The following UGGT2 variants were observed in gnomAD, a reference collection of about 807,000 sequenced individuals.
UGGT2 encodes the protein UDP-glucose:glycoprotein glucosyltransferase 2.
In UGGT2, 180 loss-of-function variants were observed where a neutral mutation model predicts 192.1. That is an observed-to-expected ratio of 0.94 (90% CI 0.83 to 1.06). UGGT2 has a LOEUF of 1.06. UGGT2 is among the 50% of genes least tolerant of loss of function. The probability of loss-of-function intolerance (pLI) is 0.00; values close to 1 mark genes in which losing one functional copy is unlikely to be tolerated. For missense variants in UGGT2, 1,849 were observed against 1,795.7 expected (o/e 1.03, Z -0.54); for synonymous variants, 580 against 591.0 (o/e 0.98, Z 0.27).
chr13:95,805,270 T>TAA (rs199678189), intron 38 of UGGT2, among the ~76,000 whole-genome samples: 10,628 of 141,910 alleles, frequency 0.075, 441 homozygotes, highest in East Asian at 0.14. Flanking sequence ...ATGACTGCTA[T>TAA]AAAAAAAAAA....
intron 36 of UGGT2, among the ~76,000 whole-genome samples, chr13:95,838,582 G>A (rs1887543288): frequency 6.6e-6 from 1 of 152,042 alleles, no homozygotes; most frequent in South Asian, 2.1e-4. Context: ...TGTGGTATTG[G>A]AAAAATAAGA....
chr13:95,857,543 G>A (rs1248203238), intron 33 of UGGT2, among the ~76,000 whole-genome samples: 2 of 152,128 alleles, frequency 1.3e-5, no homozygotes, highest in African/African-American at 2.4e-5. Context: ...AATGAAGAGA[G>A]GAGGTTTGAC....
At chr13:95,971,460 A>C (rs1423958723) in intron 11 of UGGT2, among the ~76,000 whole-genome samples, 2 of 152,298 alleles carry the variant, frequency 1.3e-5, no homozygotes, top group African/African-American at 4.8e-5. Flanking sequence ...ACATCCTGCA[A>C]ATCACTAATG....
chr13:95,928,368 G>A (rs1276569125), intron 17 of UGGT2, among the ~76,000 whole-genome samples: 1 of 84,742 alleles, frequency 1.2e-5, no homozygotes, highest in East Asian at 3.7e-4. Flanking sequence ...CAGGACGGCT[G>A]CCGGGCGGAG....
intron 38 of UGGT2, among the ~76,000 whole-genome samples, chr13:95,812,598 C>T (rs1400338502): frequency 2.6e-5 from 4 of 151,932 alleles, no homozygotes; most frequent in African/African-American, 7.3e-5. Flanking sequence ...ATCTATATCT[C>T]ATATTGAATT....
At chr13:95,980,081 T>C (rs915545990) in intron 10 of UGGT2, among the ~76,000 whole-genome samples, 2 of 152,152 alleles carry the variant, frequency 1.3e-5, no homozygotes, top group Non-Finnish European at 2.9e-5. Flanking sequence ...TGGAAAACAA[T>C]GTGGAGATTC....
chr13:95,930,061 G>T (rs1017301441), intron 17 of UGGT2, among the ~76,000 whole-genome samples: 2 of 152,156 alleles, frequency 1.3e-5, no homozygotes, highest in East Asian at 3.8e-4. Flanking sequence ...TTATATGCTT[G>T]TTGGCCGCCT....
chr13:95,857,056 A>T (rs1034603150), intron 33 of UGGT2, among the ~76,000 whole-genome samples: 3 of 152,072 alleles, frequency 2.0e-5, no homozygotes, highest in African/African-American at 7.2e-5. Flanking sequence ...GCGTTTTACC[A>T]CTTGATTCTT....
intron 17 of UGGT2, among the ~76,000 whole-genome samples, chr13:95,931,767 C>A (rs867423834): frequency 6.6e-6 from 1 of 152,166 alleles, no homozygotes; most frequent in South Asian, 2.1e-4. Flanking sequence ...ACCCGGAACT[C>A]GCGCTGGCCC....
intron 5 of UGGT2, among the ~76,000 whole-genome samples, chr13:96,009,885 TA>T (rs1158615565): frequency 2.6e-5 from 4 of 152,062 alleles, no homozygotes; most frequent in African/African-American, 4.8e-5. Flanking sequence ...AAAAAGCATA[TA>T]AAAATATGCT....
At chr13:95,946,965 C>A (rs945443907) in intron 15 of UGGT2, 72 bp downstream of exon 15, 85 of 1,382,474 alleles carry the variant, frequency 6.1e-5, no homozygotes, top group Non-Finnish European at 1.1e-5. Flanking sequence ...ATTATACATT[C>A]TAAAGAAATC....
chr13:95,881,131 C>G (rs1339997849), intron 27 of UGGT2, among the ~76,000 whole-genome samples: 2 of 152,006 alleles, frequency 1.3e-5, no homozygotes, highest in Admixed American at 6.5e-5. Flanking sequence ...CCAGAGCTGG[C>G]AATGAGCCGA....
intron 36 of UGGT2, among the ~76,000 whole-genome samples, chr13:95,838,992 C>T (rs1033181219): frequency 6.6e-6 from 1 of 152,004 alleles, no homozygotes; most frequent in Admixed American, 6.6e-5. Flanking sequence ...ATGTATTCAC[C>T]CCTATATAGT....
At chr13:96,020,701 G>A (rs997319761) in intron 4 of UGGT2, among the ~76,000 whole-genome samples, 2 of 152,130 alleles carry the variant, frequency 1.3e-5, no homozygotes, top group African/African-American at 4.8e-5. Flanking sequence ...GGGAAGAAAT[G>A]TAAGTATTGA....
chr13:95,865,278 C>G (rs1890549210), intron 30 of UGGT2, among the ~76,000 whole-genome samples: 1 of 152,140 alleles, frequency 6.6e-6, no homozygotes, highest in Non-Finnish European at 1.5e-5. Flanking sequence ...CTTTTCTCCT[C>G]CCTGTTTTTC....
intron 37 of UGGT2, among the ~76,000 whole-genome samples, chr13:95,835,039 TAA>T (rs1383094272): frequency 2.0e-5 from 3 of 152,224 alleles, no homozygotes; most frequent in Non-Finnish European, 2.9e-5. Flanking sequence ...TCCAAAATAC[TAA>T]GTCAACATGT....
intron 20 of UGGT2, among the ~76,000 whole-genome samples, chr13:95,920,263 A>C (rs1396094225): frequency 6.6e-6 from 1 of 152,210 alleles, no homozygotes; most frequent in Non-Finnish European, 1.5e-5. Context: ...TCTAGGCAAT[A>C]CTATTCAGGA....
chr13:95,821,266 TTTC>T (rs1885482167), intron 38 of UGGT2, among the ~76,000 whole-genome samples: 1 of 152,192 alleles, frequency 6.6e-6, no homozygotes, highest in Non-Finnish European at 1.5e-5. Flanking sequence ...TTTCTGACTT[TTTC>T]TTCATGGCCA....
In UGGT2 at chr13:95,872,134, CAATT is replaced by C. The variant is rs1158522990; in HGVS notation, c.3474-4715_3474-4712del. On this transcript the variant is annotated intron_variant, in intron 29 of 38. Coordinates refer to ENST00000376747, the MANE Select transcript of UGGT2 (RefSeq NM_020121.4). Reference sequence around the variant, plus strand: ...TAAATAAAGTATCTAATATTCTCTACAATTAATTAGGAAAATCTGAGCAGCATTT... The same window carrying C: ...TAAATAAAGTATCTAATATTCTCTACAATTAGGAAAATCTGAGCAGCATTT... 5.9e-5 allele frequency among the ~76,000 whole-genome samples: 9 copies of C among 152,126 alleles called. 1 individual carries two copies. In the South Asian group the frequency reaches 6.2e-4, roughly 11 times the overall value.
Sources: allele counts gnomAD v4.1 joint callset (sites outside exome capture counted in the v4.1 genomes callset), GRCh38; gene constraint gnomAD v4.1.1; transcripts MANE v1.5; gene names NCBI Gene and HGNC (gene_info 2026-07-23, HGNC 2026-07-21).